The following ZNF135 variants were observed in gnomAD, a reference collection of about 807,000 sequenced individuals.
ZNF135 encodes zinc finger protein 135.
Under a neutral mutation model 12.3 loss-of-function variants are expected in ZNF135, and 11 were observed. The observed-to-expected ratio is 0.89, with a 90% CI of 0.56 to 1.48. ZNF135 has a LOEUF of 1.48. Among genes scored for constraint, ZNF135 ranks in the 40% most tolerant of loss-of-function variants. ZNF135 has a pLI of 0.00. For synonymous variants in ZNF135, 316 were observed against 312.0 expected (o/e 1.01, Z -0.14); for missense variants, 722 against 815.7 (o/e 0.89, Z 1.40).
chr19:58,068,200 C>T lies in ZNF135; in HGVS notation c.1716C>T (p.His572=). The T allele has an allele frequency of 6.2e-7, 1 of 1,613,992 alleles. No individual in the cohort carries two copies. The highest frequency in any genetic ancestry group is 1.7e-5 in the Admixed American group (1 of 60,002). ...TTCTCATCGAACACCAGAGGATTCA[C>T]ACCAAGGAAAAGCCGTATGGGTGCA... The part of the protein sequence containing the change: ...SSLLIEHQRI[H]TKEKPYGCNE... The change falls in exon 5 of 5, where the codon CAC becomes CAT. Residue 572 remains histidine, a synonymous_variant. Coordinates refer to ENST00000313434, the MANE Select transcript of ZNF135 (RefSeq NM_001289401.2).
In ZNF135 at chr19:58,063,531, C is replaced by T. The variant is rs750077100; in HGVS notation, c.246C>T (p.Gly82=). 3.5e-5 allele frequency: 57 copies of T among 1,613,932 alleles called. No individual in the cohort carries two copies. The highest frequency in any genetic ancestry group is 1.6e-4 in the Middle Eastern group (1 of 6,080). The part of the protein sequence containing the change: ...LWAVESRLPQ[G]VYPDLETRPK... ...CGGTGGAGTCTAGACTTCCCCAAGGCGTGTACCCAGGTGAGATGGGAGCCC... is the reference window on the plus strand; with the variant it reads ...CGGTGGAGTCTAGACTTCCCCAAGGTGTGTACCCAGGTGAGATGGGAGCCC... The change falls in exon 4 of 5, where the codon GGC becomes GGT. Residue 82 remains glycine, a synonymous_variant. Transcript: ENST00000313434. The surrounding 1 kb of genome is among the most constrained non-coding windows in gnomAD (Gnocchi z 4.4).
In ZNF135 at chr19:58,060,106, GC is replaced by G. The variant is rs1425421052; in HGVS notation, c.33+74del. 1.1e-5 allele frequency: 17 copies of G among 1,599,528 alleles called. No homozygotes were observed. The African/African-American group carries it at 2.2e-4, about 20-fold the overall frequency. ...GCCTCCTCGCGCGCGGCCTTCTCACGCCCGGCCTCCTCTTTGCACCCCGTCC... is the reference window on the plus strand; with the variant it reads ...GCCTCCTCGCGCGCGGCCTTCTCACGCCGGCCTCCTCTTTGCACCCCGTCC... On this transcript the variant is annotated intron_variant, in intron 2 of 4. Transcript: ENST00000313434. This position sits in a 1 kb window ranked among gnomAD's most constrained non-coding sequence, Gnocchi z 4.9.
In ZNF135 at chr19:58,068,332, G is replaced by T; in HGVS notation, c.1848G>T (p.Arg616Ser). The change falls in exon 5 of 5, where the codon AGG becomes AGT. Residue 616 changes from arginine (R) to serine (S), a missense_variant. Coordinates refer to ENST00000313434, the MANE Select transcript of ZNF135 (RefSeq NM_001289401.2). ...YECHDCGKSF[R>S]QSTHLTQHRR... Reference sequence around the variant, plus strand: ...GTCACGATTGCGGAAAGTCCTTTAGGCAGAGCACCCACCTCACTCAGCACC... The same window carrying T: ...GTCACGATTGCGGAAAGTCCTTTAGTCAGAGCACCCACCTCACTCAGCACC... The T allele has an allele frequency of 2.3e-5, 37 of 1,613,124 alleles. No individual in the cohort carries two copies. The highest frequency in any genetic ancestry group is 3.0e-5 in the Non-Finnish European group (35 of 1,179,714).
chr19:58,067,221 A>T lies in ZNF135; in HGVS notation c.737A>T (p.Glu246Val), dbSNP rs2074085046. ...GGAGAGAGACCTTACGAATGTCACG[A>T]ATGCTTAAAAGGCTTCCGGAACAGC... The part of the protein sequence containing the change: ...HTGERPYECH[E>V]CLKGFRNSSA... Residue 246 changes from glutamate to valine, a missense_variant, in exon 5 of 5, where the codon GAA becomes GTA. Transcript: ENST00000313434. 1 of 1,614,074 alleles carries T rather than the reference A, an allele frequency of 6.2e-7. No individual in the cohort carries two copies. The highest frequency in any genetic ancestry group is 1.3e-5 in the African/African-American group (1 of 74,938).
chr19:58,068,161 C>T lies in ZNF135; in HGVS notation c.1677C>T (p.Phe559=), dbSNP rs1277800373. Residue 559 remains phenylalanine (F), a synonymous_variant, in exon 5 of 5, where the codon TTC becomes TTT. Transcript: ENST00000313434. ...PYECNQCGRA[F]SQSSLLIEHQ... ...AATGTAACCAGTGTGGCAGAGCCTT[C>T]AGCCAGAGCTCCCTTCTCATCGAAC... 2.5e-6 allele frequency: 4 copies of T among 1,614,006 alleles called. No individual in the cohort carries two copies. The highest frequency in any genetic ancestry group is 2.2e-5 in the East Asian group (1 of 44,846).
At chr19:58,062,905 G>A (rs1176376906) in intron 3 of ZNF135, among the ~76,000 whole-genome samples, 2 of 151,586 alleles carry the variant, frequency 1.3e-5, no homozygotes, top group African/African-American at 2.4e-5. Context: ...TGCCCAGGCT[G>A]CCCTCAAGCT....
intron 4 of ZNF135, among the ~76,000 whole-genome samples, chr19:58,064,218 T>C (rs768769060): frequency 1.3e-5 from 2 of 152,132 alleles, no homozygotes; most frequent in Admixed American, 6.6e-5. Context: ...CCAGGAGGGA[T>C]GGCCAGTGTG....
In ZNF135 at chr19:58,066,887, T is replaced by G. The variant is rs2074075561; in HGVS notation, c.403T>G (p.Trp135Gly). 1 of 1,614,036 alleles carries G rather than the reference T, an allele frequency of 6.2e-7. No homozygotes were observed. The highest frequency in any genetic ancestry group is 8.5e-7 in the Non-Finnish European group (1 of 1,180,032). Residue 135 changes from tryptophan (W) to glycine (G), a missense_variant, in exon 5 of 5, where the codon TGG becomes GGG. Coordinates refer to ENST00000313434, the MANE Select transcript of ZNF135 (RefSeq NM_001289401.2). ...TGAGGACACTGAGGGCCACTGGGAA[T>G]GGAGTTGTGAGAGTCTAGAGAGCCT... is the stretch of plus-strand genomic sequence containing the variant. Reference protein sequence around the residue: ...RGEDTEGHWEWSCESLESLAV... With the variant: ...RGEDTEGHWEGSCESLESLAV...
chr19:58,068,469 C>G lies in ZNF135; in HGVS notation c.*8C>G. 1 of 1,612,148 alleles carries G rather than the reference C, an allele frequency of 6.2e-7. No homozygotes were observed. Among genetic ancestry groups the G allele is most frequent in the Middle Eastern group, 1.7e-4 (1 of 6,044 alleles). On this transcript the variant is annotated 3_prime_UTR_variant, in exon 5 of 5. Transcript: ENST00000313434. ...AGAACTCACACTGGATAAACCCACT[C>G]CACATGTGCTGGGGACATAGGAAGA...
chr19:58,067,817 A>T lies in ZNF135; in HGVS notation c.1333A>T (p.Lys445Ter). The T allele has an allele frequency of 6.2e-7, 1 of 1,613,940 alleles. No individual in the cohort carries two copies. The highest frequency in any genetic ancestry group is 8.5e-7 in the Non-Finnish European group (1 of 1,179,990). The change falls in exon 5 of 5, where the codon AAA becomes TAA. Residue 445 changes from lysine to a stop codon, truncating the protein, a stop_gained. Transcript: ENST00000313434. LOFTEE classifies it low-confidence loss of function (END_TRUNC). ...GCCCTATGGATGCAACGAGTGTGGG[A>T]AAACCTTCAGCCACAGCTCCTCACT... ...EKPYGCNECG[K>*]TFSHSSSLSQ...
In ZNF135 at chr19:58,067,388, G is replaced by A. The variant is rs536588023; in HGVS notation, c.904G>A (p.Glu302Lys). 3.7e-5 allele frequency: 60 copies of A among 1,614,102 alleles called. No homozygotes were observed. In the East Asian group the frequency reaches 9.4e-4, roughly 25 times the overall value. ...HTGEKPYECSECGKSFSFRSS... is the reference protein window; with the variant it reads ...HTGEKPYECSKCGKSFSFRSS... ...AGGTGAGAAGCCCTATGAATGCAGC[G>A]AATGTGGGAAATCCTTCAGTTTTAG... The change falls in exon 5 of 5, where the codon GAA (glutamate) becomes AAA (lysine). Residue 302 changes from glutamate to lysine, a missense_variant. By Grantham distance (56) the Glu-to-Lys change is moderately conservative. Coordinates refer to ENST00000313434, the MANE Select transcript of ZNF135 (RefSeq NM_001289401.2).
rs1314408749 is a variant in ZNF135, at chr19:58,067,750, C to T, written c.1266C>T (p.Ser422=). 1.9e-6 allele frequency: 3 copies of T among 1,614,006 alleles called. No homozygotes were observed. The highest frequency in any genetic ancestry group is 2.7e-5 in the African/African-American group (2 of 74,906). ...AGTGTGGGAAAGCCTTCAGTCAGAG[C>T]ACACTCCTGACCGAGCATCGGAGGA... is the stretch of plus-strand genomic sequence containing the variant. ...CGECGKAFSQ[S]TLLTEHRRIH... Residue 422 remains serine, a synonymous_variant, in exon 5 of 5, where the codon AGC becomes AGT. Transcript: ENST00000313434.
Position 58,067,782 on chromosome 19 carries a change from CAGG to C in ZNF135, c.1301_1303del (p.Gly434del). ...CTGACCGAGCATCGGAGGATTCACA[CAGG>C]AGAGAAGCCCTATGGATGCAACGAG... On this transcript the variant is annotated inframe_deletion, in exon 5 of 5. Coordinates refer to ENST00000313434, the MANE Select transcript of ZNF135 (RefSeq NM_001289401.2). 1 of 1,614,116 alleles carries C rather than the reference CAGG, an allele frequency of 6.2e-7. No homozygotes were observed. Among genetic ancestry groups the C allele is most frequent in the Non-Finnish European group, 8.5e-7 (1 of 1,180,028 alleles).
At position 58,068,759 on chromosome 19, in the gene ZNF135, A is replaced by G. The variant is rs1467427887; in HGVS notation, c.*298A>G. ...ATGTTATAGAACCTACAAAAAAGAA[A>G]TGGAACAAATGTAGTGGATCCAGGG... On this transcript the variant is annotated 3_prime_UTR_variant, in exon 5 of 5. Coordinates refer to ENST00000313434, the MANE Select transcript of ZNF135 (RefSeq NM_001289401.2). 3.5e-6 allele frequency: 1 copy of G among 286,320 alleles called. No homozygotes were observed. The highest frequency in any genetic ancestry group is 4.6e-5 in the Admixed American group (1 of 21,656). 17.7% of individuals were successfully genotyped at this position (286,320 alleles called of 1,614,324 possible).
chr19:58,063,880 G>T lies in ZNF135; in HGVS notation c.256+339G>T, dbSNP rs1478205351. 1.3e-5 allele frequency among the ~76,000 whole-genome samples: 2 copies of T among 152,154 alleles called. No individual in the cohort carries two copies. The highest frequency in any genetic ancestry group is 2.9e-5 in the Non-Finnish European group (2 of 68,038). On this transcript the variant is annotated intron_variant, in intron 4 of 4. Transcript: ENST00000313434. The surrounding 1 kb of genome is among the most constrained non-coding windows in gnomAD (Gnocchi z 4.4). ...TGAGTAGACTTTAGCAGAGAGATGA[G>T]GGATAGCCTCTCCAAGGAGGTGACA... is the stretch of plus-strand genomic sequence containing the variant.
chr19:58,060,173 T>C lies in ZNF135; in HGVS notation c.33+138T>C, dbSNP rs1402655811. 8.5e-6 allele frequency: 13 copies of C among 1,527,324 alleles called. No homozygotes were observed. Among genetic ancestry groups the C allele is most frequent in the African/African-American group, 2.8e-5 (2 of 72,268 alleles). 94.6% of individuals were successfully genotyped at this position (1,527,324 alleles called of 1,614,324 possible). On this transcript the variant is annotated intron_variant, in intron 2 of 4. Coordinates refer to ENST00000313434, the MANE Select transcript of ZNF135 (RefSeq NM_001289401.2). The surrounding 1 kb of genome is among the most constrained non-coding windows in gnomAD (Gnocchi z 4.9). The stretch of plus-strand genomic sequence containing the variant: ...CTCCTCCTTGTGCCCGGCCCCTACT[T>C]GCGTGCCCGGCCCCTACTCGTGCCC...
rs1432313718 is a variant in ZNF135 at position 58,059,775 on chromosome 19, C to CA, written c.-34-193dup. 4.6e-6 allele frequency: 3 copies of CA among 655,340 alleles called. No homozygotes were observed. In the African/African-American group the frequency reaches 5.5e-5, roughly 12 times the overall value. The allele number at this position is 655,340 out of a possible 1,614,324, so 40.6% of individuals were successfully genotyped here. A position where few individuals can be genotyped will look rare whatever the true frequency, so the allele number is the denominator to read the frequency against. ...CACCCGCCAGGCCTTCAGCTTCCCT[C>CA]AGACAGGCGGGAAAACCCTAGGCTG... On this transcript the variant is annotated intron_variant, in intron 1 of 4. Coordinates refer to ENST00000313434, the MANE Select transcript of ZNF135 (RefSeq NM_001289401.2). The surrounding 1 kb of genome is among the most constrained non-coding windows in gnomAD (Gnocchi z 6.5).
chr19:58,059,675 C>T lies in ZNF135; in HGVS notation c.-34-294C>T, dbSNP rs2073933699. 1.9e-6 allele frequency: 1 copy of T among 526,986 alleles called. No individual in the cohort carries two copies. Among genetic ancestry groups the T allele is most frequent in the Non-Finnish European group, 3.3e-6 (1 of 300,582 alleles). The allele number at this position is 526,986 out of a possible 1,614,324, so 32.6% of individuals were successfully genotyped here. A position where few individuals can be genotyped will look rare whatever the true frequency, so the allele number is the denominator to read the frequency against. On this transcript the variant is annotated intron_variant, in intron 1 of 4. Coordinates refer to ENST00000313434, the MANE Select transcript of ZNF135 (RefSeq NM_001289401.2). This position sits in a 1 kb window ranked among gnomAD's most constrained non-coding sequence, Gnocchi z 6.5. The stretch of plus-strand genomic sequence containing the variant: ...AGAAACTGAGGCATAGTGCCCAGGG[C>T]CAGGGGACCGCAACCACCCGGCCCT...
Position 58,066,850 on chromosome 19 carries a change from G to GTAC in ZNF135, c.368_370dup (p.Tyr123dup). ...AAAGATTCCTGTGGGATGGTCTGTG[G>GTAC]TACTGCAGGGGTGAGGACACTGAGG... is the stretch of plus-strand genomic sequence containing the variant. On this transcript the variant is annotated inframe_insertion, in exon 5 of 5. Transcript: ENST00000313434. The GTAC allele has an allele frequency of 6.2e-7, 1 of 1,614,222 alleles. No individual in the cohort carries two copies. The highest frequency in any genetic ancestry group is 8.5e-7 in the Non-Finnish European group (1 of 1,180,046).
Sources: gnomAD v4.1 joint callset for allele counts (sites outside exome capture counted in the v4.1 genomes callset) on GRCh38, gnomAD v4.1.1 for gene constraint, Gnocchi (gnomAD v3.1) non-coding constraint, MANE v1.5 for transcripts, NCBI Gene and HGNC (gene_info 2026-07-23, HGNC 2026-07-21) for gene names.